The following SSH1 variants were observed in gnomAD, a reference collection of about 807,000 sequenced individuals.
The protein encoded by SSH1 is protein phosphatase Slingshot homolog 1.
Under a neutral mutation model 79.7 loss-of-function variants are expected in SSH1, and 43 were observed. The ratio of observed to expected loss-of-function variants is 0.54; its 90% confidence interval spans 0.42 to 0.70. The LOEUF (loss-of-function observed/expected upper bound fraction) is 0.70. Ranked by LOEUF, SSH1 falls within the 30% of genes least tolerant of loss-of-function variation. SSH1 has a pLI of 0.00. For missense variants in SSH1, 1,206 were observed against 1,358.8 expected (o/e 0.89, Z 1.77); for synonymous variants, 599 against 538.3 (o/e 1.11, Z -1.56).
chr12:108,846,232 C>A (rs757619092), intron 2 of SSH1, among the ~76,000 whole-genome samples: 2 of 152,086 alleles, frequency 1.3e-5, no homozygotes, highest in Admixed American at 6.6e-5. Flanking sequence ...GGCAGGCAAT[C>A]ACAAATGAGC....
At chr12:108,852,872 CA>C in intron 1 of SSH1, 194 bp from the exon 2 acceptor site, 1 of 985,418 alleles carries the variant, frequency 1.0e-6, no homozygotes, top group South Asian at 4.7e-5. Flanking sequence ...GGGGAATTTT[CA>C]GGTTTCCAAA....
chr12:108,826,229 G>C (rs2038304052), intron 2 of SSH1: 4 of 441,842 alleles, frequency 9.1e-6, no homozygotes, highest in South Asian at 6.4e-5. Flanking sequence ...CAATGCAACA[G>C]ACTAGGCTGG....
chr12:108,807,517 AG>A lies in SSH1; in HGVS notation c.731+115del. On this transcript the variant is annotated intron_variant, in intron 8 of 14. Coordinates refer to ENST00000326495, the MANE Select transcript of SSH1 (RefSeq NM_018984.4). This position sits in a 1 kb window ranked among gnomAD's most constrained non-coding sequence, Gnocchi z 5.2. ...CTGAGAAAGCTAGGGTTCTCACTCA[AG>A]GGACTCCAGGGGAGGTGTGGCCCAA... The A allele has an allele frequency of 1.0e-6, 1 of 952,742 alleles. No individual in the cohort carries two copies. The highest frequency in any genetic ancestry group is 1.6e-6 in the Non-Finnish European group (1 of 609,076). 59.0% of individuals were successfully genotyped at this position (952,742 alleles called of 1,614,324 possible). A position where few individuals can be genotyped will look rare whatever the true frequency, so the allele number is the denominator to read the frequency against.
chr12:108,806,727 G>GT (rs921131754), intron 8 of SSH1, among the ~76,000 whole-genome samples: 6 of 152,212 alleles, frequency 3.9e-5, no homozygotes, highest in African/African-American at 1.4e-4. Flanking sequence ...GCTCGAACAC[G>GT]TGTGGGCATG....
chr12:108,799,363 GAGC>G (rs1441952800), intron 12 of SSH1, among the ~76,000 whole-genome samples, 163 bp from the exon 13 acceptor site: 19 of 152,292 alleles, frequency 1.2e-4, no homozygotes, highest in South Asian at 4.1e-4. Flanking sequence ...AATGTTTACG[GAGC>G]AGATGTCCAC....
chr12:108,827,078 C>T (rs957280018), intron 2 of SSH1, among the ~76,000 whole-genome samples: 4 of 151,820 alleles, frequency 2.6e-5, no homozygotes, highest in Admixed American at 2.0e-4. Context: ...GATCTGTTCT[C>T]GGACACTGAT....
chr12:108,793,248 A>T (rs1294791065), intron 13 of SSH1, among the ~76,000 whole-genome samples: 1 of 152,340 alleles, frequency 6.6e-6, no homozygotes, highest in East Asian at 1.9e-4. Flanking sequence ...TGGAGTATGT[A>T]CAGATCTATA....
At chr12:108,826,884 C>A (rs2038331014) in intron 2 of SSH1, among the ~76,000 whole-genome samples, 1 of 152,148 alleles carries the variant, frequency 6.6e-6, no homozygotes, top group Non-Finnish European at 1.5e-5. Context: ...AGAAGTCACT[C>A]TTCTCACAAA....
chr12:108,830,393 A>T (rs1272270208), intron 2 of SSH1, among the ~76,000 whole-genome samples: 1 of 152,086 alleles, frequency 6.6e-6, no homozygotes, highest in Admixed American at 6.5e-5. Flanking sequence ...TCGAGGCTGC[A>T]CTGAGTGGAG....
intron 2 of SSH1, among the ~76,000 whole-genome samples, chr12:108,849,493 G>A (rs965405784): frequency 1.3e-5 from 2 of 152,124 alleles, no homozygotes; most frequent in Non-Finnish European, 1.5e-5. Context: ...GGAGTTCAAG[G>A]CTGCAGTGAG....
chr12:108,825,332 C>T (rs1423253547), intron 2 of SSH1, among the ~76,000 whole-genome samples: 1 of 152,152 alleles, frequency 6.6e-6, no homozygotes, highest in Non-Finnish European at 1.5e-5. Flanking sequence ...GTTAAACGTT[C>T]GAATTCTGGA....
At chr12:108,817,341 A>C in intron 4 of SSH1, 182 bp from the exon 5 acceptor site, 2 of 745,280 alleles carry the variant, frequency 2.7e-6, no homozygotes, top group Non-Finnish European at 4.4e-6. Context: ...TGGGAGGCCA[A>C]GGTAGGCAGA....
chr12:108,796,671 T>C (rs554947660), intron 13 of SSH1, among the ~76,000 whole-genome samples: 25 of 152,322 alleles, frequency 1.6e-4, no homozygotes, highest in African/African-American at 6.0e-4. Flanking sequence ...TGTACAAATA[T>C]CTCTCCGAGA....
Position 108,792,718 on chromosome 12 carries a change from G to T in SSH1, c.1461C>A (p.Thr487=). The T allele has an allele frequency of 6.2e-7, 1 of 1,613,654 alleles. No individual in the cohort carries two copies. The highest frequency in any genetic ancestry group is 8.5e-7 in the Non-Finnish European group (1 of 1,180,032). The change falls in exon 14 of 15, where the codon ACC becomes ACA. Residue 487 remains threonine, a synonymous_variant. Transcript: ENST00000326495. The part of the protein sequence containing the change: ...GDFLPETPDG[T]PESQLPFLDD... ...CCAAGAAGGGCAGCTGGCTTTCCGG[G>T]GTGCCATCTGGGGTCTCTGGCAAGA...
chr12:108,845,163 CG>C (rs2038869219), intron 2 of SSH1, among the ~76,000 whole-genome samples: 1 of 146,282 alleles, frequency 6.8e-6, no homozygotes, highest in Non-Finnish European at 1.5e-5. Flanking sequence ...GAGCCGAGAT[CG>C]CACCACTGCA....
chr12:108,818,206 T>C (rs1268048958), intron 4 of SSH1, 43 bp downstream of exon 4: 1 of 1,587,344 alleles, frequency 6.3e-7, no homozygotes, highest in Non-Finnish European at 8.6e-7. Context: ...CTCACAAAAA[T>C]TAAAAAAAAA....
chr12:108,835,908 T>TAATTATAACTATATTAATATAATC lies in SSH1; in HGVS notation c.111-12571_111-12548dup, dbSNP rs1566012826. 5.6e-3 allele frequency among the ~76,000 whole-genome samples: 376 copies of TAATTATAACTATATTAATATAATC among 66,578 alleles called. 52 individuals are homozygous for TAATTATAACTATATTAATATAATC. The highest frequency in any genetic ancestry group is 0.016 in the African/African-American group (289 of 18,422). The allele number at this position is 66,578 out of a possible 152,430, so 43.7% of individuals were successfully genotyped here. On this transcript the variant is annotated intron_variant, in intron 2 of 14. Coordinates refer to ENST00000326495, the MANE Select transcript of SSH1 (RefSeq NM_018984.4). ...TTAATTATAACTATATTAATATAAT[T>TAATTATAACTATATTAATATAATC]AATTATAACTATATTAATATAATCA... is the stretch of plus-strand genomic sequence containing the variant.
intron 2 of SSH1, chr12:108,837,060 A>G (rs1476042803): frequency 6.9e-6 from 3 of 433,052 alleles, no homozygotes; most frequent in Non-Finnish European, 9.5e-6. Context: ...GCAACACCCT[A>G]TTCTCTACTA....
intron 1 of SSH1, among the ~76,000 whole-genome samples, chr12:108,853,918 G>C (rs954092634): frequency 4.3e-5 from 6 of 141,152 alleles, no homozygotes; most frequent in African/African-American, 1.6e-4. Flanking sequence ...GCAATACTTC[G>C]TTTCAAAAAA....
Sources: gnomAD v4.1 joint callset for allele counts (sites outside exome capture counted in the v4.1 genomes callset) on GRCh38, gnomAD v4.1.1 for gene constraint, Gnocchi (gnomAD v3.1) non-coding constraint, MANE v1.5 for transcripts, NCBI Gene and HGNC (gene_info 2026-07-23, HGNC 2026-07-21) for gene names.